The following ZBTB40 variants were observed in gnomAD, a reference collection of about 807,000 sequenced individuals.
ZBTB40 encodes zinc finger and BTB domain-containing protein 40.
In ZBTB40, 60 loss-of-function variants were observed where a neutral mutation model predicts 117.5. The observed-to-expected ratio is 0.51, with a 90% CI of 0.41 to 0.63. The LOEUF is 0.63. Among genes scored for constraint, ZBTB40 ranks in the 30% least tolerant of loss-of-function variants. ZBTB40 has a pLI of 0.00. For synonymous variants in ZBTB40, 525 were observed against 577.1 expected, an observed-to-expected ratio of 0.91 and a Z score of 1.29; for missense variants, 1,287 against 1,498.5, an observed-to-expected ratio of 0.86 and a Z score of 2.33.
chr1:22,435,956 A>G (rs907883774), intron 1 of ZBTB40, among the ~76,000 whole-genome samples: 1 of 152,076 alleles, frequency 6.6e-6, no homozygotes, highest in African/African-American at 2.4e-5. Context: ...GGGTGCCTGT[A>G]ATCCCAGCTA....
chr1:22,461,329 GTT>G (rs5773006), intron 1 of ZBTB40, among the ~76,000 whole-genome samples: 41,554 of 140,592 alleles, frequency 0.3, 7,087 homozygotes, highest in East Asian at 0.46. Flanking sequence ...GAGTTCCGTT[GTT>G]TTTTTTTTTT....
chr1:22,507,966 C>G, intron 6 of ZBTB40, 35 bp from the exon 7 acceptor site: 1 of 1,613,990 alleles, frequency 6.2e-7, no homozygotes, highest in Non-Finnish European at 8.5e-7. Flanking sequence ...GGTTTTGTTG[C>G]ATCAAACATT....
chr1:22,457,708 T>C (rs186655010), intron 1 of ZBTB40, among the ~76,000 whole-genome samples: 1 of 152,378 alleles, frequency 6.6e-6, no homozygotes, highest in Admixed American at 6.5e-5. Context: ...TGTTAGCTAG[T>C]GTTAGCTATA....
chr1:22,475,785 C>G (rs1398684369), intron 1 of ZBTB40, among the ~76,000 whole-genome samples: 2 of 152,176 alleles, frequency 1.3e-5, no homozygotes, highest in Non-Finnish European at 2.9e-5. Context: ...ACTTACCTTT[C>G]CTTTTGCTCC....
chr1:22,468,961 G>A (rs1641334100), intron 1 of ZBTB40, among the ~76,000 whole-genome samples: 1 of 152,020 alleles, frequency 6.6e-6, no homozygotes. Context: ...TGAACAGCGA[G>A]GACTACAGGT....
At chr1:22,437,261 T>C (rs1240928961) in intron 1 of ZBTB40, among the ~76,000 whole-genome samples, 1 of 152,136 alleles carries the variant, frequency 6.6e-6, no homozygotes, top group East Asian at 1.9e-4. Flanking sequence ...AAACTAGTGC[T>C]GGGTAAGGAA....
At chr1:22,474,030 C>T (rs1026659657) in intron 1 of ZBTB40, among the ~76,000 whole-genome samples, 4 of 152,130 alleles carry the variant, frequency 2.6e-5, no homozygotes, top group African/African-American at 4.8e-5. Flanking sequence ...TACTTGATAT[C>T]TACAACAGAG....
chr1:22,468,460 GTTTCCTTTTT>G (rs1322689006), intron 1 of ZBTB40, among the ~76,000 whole-genome samples: 10 of 88,776 alleles, frequency 1.1e-4, no homozygotes, highest in Non-Finnish European at 1.7e-4. Context: ...AAATGTTAAT[GTTTCCTTTTT>G]TTTTTTTTTT....
At chr1:22,511,443 C>T in intron 10 of ZBTB40, 96 bp downstream of exon 10, 1 of 1,514,832 alleles carries the variant, frequency 6.6e-7, no homozygotes, top group Non-Finnish European at 9.0e-7. Context: ...TTTATCACAA[C>T]CTTAAGTTAC....
Position 22,501,553 on chromosome 1 carries a change from A to G in ZBTB40, c.893A>G (p.Lys298Arg), listed in dbSNP as rs765759431. The change falls in exon 4 of 18, where the codon AAA becomes AGA. Residue 298 changes from lysine (K) to arginine (R), a missense_variant. Around this residue, in one of 2 missense-constraint regions of ZBTB40, gnomAD observed 870 missense variants for 934.4 expected, o/e 0.93. Coordinates refer to ENST00000375647, the MANE Select transcript of ZBTB40 (RefSeq NM_014870.4). ...TCAGCATTCCAGAGAATCCTGGGTA[A>G]AGTAAGAGAGGAAAGCCTGGATGTT... ...GHSAFQRILG[K>R]VREESLDVQT... 6.2e-7 allele frequency: 1 copy of G among 1,614,168 alleles called. No homozygotes were observed. Among genetic ancestry groups the G allele is most frequent in the Non-Finnish European group, 8.5e-7 (1 of 1,180,020 alleles).
intron 3 of ZBTB40, among the ~76,000 whole-genome samples, chr1:22,495,792 A>C (rs1055850486): frequency 2.0e-5 from 3 of 152,238 alleles, no homozygotes; most frequent in African/African-American, 7.2e-5. Context: ...CTGGGATTAC[A>C]GGCATGAGCC....
At chr1:22,486,593 A>G (rs1323569362) in intron 1 of ZBTB40, among the ~76,000 whole-genome samples, 1 of 152,180 alleles carries the variant, frequency 6.6e-6, no homozygotes, top group Non-Finnish European at 1.5e-5. Context: ...GACCCCTATG[A>G]CTGAGTCCCC....
At chr1:22,451,144 G>A (rs1052004904), upstream of ZBTB40, among the ~76,000 whole-genome samples, 1 of 152,240 alleles carries the variant, frequency 6.6e-6, no homozygotes, top group Non-Finnish European at 1.5e-5. Context: ...CGAGAGGCAG[G>A]ATCAGGATGC....
At chr1:22,473,375 A>G (rs892020705) in intron 1 of ZBTB40, among the ~76,000 whole-genome samples, 1 of 152,188 alleles carries the variant, frequency 6.6e-6, no homozygotes, top group African/African-American at 2.4e-5. Flanking sequence ...GATTTGCTAT[A>G]TGTCCTTGGG....
intron 1 of ZBTB40, among the ~76,000 whole-genome samples, chr1:22,479,673 G>A (rs1460749958): frequency 6.6e-6 from 1 of 152,018 alleles, no homozygotes; most frequent in Non-Finnish European, 1.5e-5. Flanking sequence ...TCTTCAAATT[G>A]CTTCTCCCAC....
rs768254396 is a variant in ZBTB40 at position 22,490,620 on chromosome 1, G to C, written c.672G>C (p.Glu224Asp). ...SPSPAVQTFS[E>D]AKKTSTEPGC... The stretch of plus-strand genomic sequence containing the variant: ...CCCCTGCTGTGCAAACCTTTAGTGA[G>C]GCAAAGAAGACAAGCACAGAACCAG... The change falls in exon 2 of 18, where the codon GAG becomes GAC. Residue 224 changes from glutamate (E) to aspartate (D), a missense_variant. Physicochemically the swap from Glu to Asp is conservative, Grantham distance 45 (BLOSUM62 2). Around this residue, in one of 2 missense-constraint regions of ZBTB40, gnomAD observed 870 missense variants for 934.4 expected, o/e 0.93. Coordinates refer to ENST00000375647, the MANE Select transcript of ZBTB40 (RefSeq NM_014870.4). 1 of 1,613,704 alleles carries C rather than the reference G, an allele frequency of 6.2e-7. No homozygotes were observed. The highest frequency in any genetic ancestry group is 1.7e-5 in the Admixed American group (1 of 60,018).
In ZBTB40 at chr1:22,502,394, TC is replaced by T. The variant is rs763222066; in HGVS notation, c.1123del (p.Leu375TrpfsTer9). ...AACACAGCTGAGACCTATTATGGAG[TC>T]CCTGGAAACAGCCAAGGAGGAATTC... ...CVTQLRPIME[S>X]LETAKEEFLT... On this transcript the variant is annotated frameshift_variant, in exon 5 of 18. Transcript: ENST00000375647. LOFTEE classifies it high-confidence loss of function. 6.2e-7 allele frequency: 1 copy of T among 1,613,900 alleles called. No homozygotes were observed. The highest frequency in any genetic ancestry group is 2.2e-5 in the East Asian group (1 of 44,854).
intron 1 of ZBTB40, among the ~76,000 whole-genome samples, chr1:22,453,725 A>C (rs1282993955): frequency 6.6e-6 from 1 of 152,190 alleles, no homozygotes; most frequent in Non-Finnish European, 1.5e-5. Context: ...TTACATAGCT[A>C]AGGCATTCAG....
chr1:22,511,543 A>G lies in ZBTB40; in HGVS notation c.2003-133A>G, dbSNP rs190765916. ...GTGTTTATTGGAAAGTAAGGAGGAC[A>G]ATGATATTACTTCAGAGTGTTTTTG... On this transcript the variant is annotated intron_variant, in intron 10 of 17. Coordinates refer to ENST00000375647, the MANE Select transcript of ZBTB40 (RefSeq NM_014870.4). 5.8e-4 allele frequency: 719 copies of G among 1,245,090 alleles called. 1 individual carries two copies. The highest frequency in any genetic ancestry group is 7.6e-4 in the Non-Finnish European group (680 of 897,104). 77.1% of individuals were successfully genotyped at this position (1,245,090 alleles called of 1,614,324 possible). A position where few individuals can be genotyped will look rare whatever the true frequency, so the allele number is the denominator to read the frequency against.
Sources: gnomAD v4.1 joint callset for allele counts (sites outside exome capture counted in the v4.1 genomes callset) on GRCh38, gnomAD v4.1.1 for gene constraint, gnomAD v4.1.1 regional missense constraint, MANE v1.5 for transcripts, NCBI Gene and HGNC (gene_info 2026-07-23, HGNC 2026-07-21) for gene names.